Variants in EYS observed in about 807,000 individuals in gnomAD.
The protein encoded by EYS is EGF-like photoreceptor maintenance factor.
Under a neutral mutation model 282.1 loss-of-function variants are expected in EYS, and 250 were observed. The observed-to-expected ratio is 0.89, with a 90% CI of 0.80 to 0.98. The LOEUF is 0.98. Among genes scored for constraint, EYS ranks in the 50% least tolerant of loss-of-function variants. EYS has a pLI of 0.00. For synonymous variants in EYS, 1,355 were observed against 1,282.9 expected (o/e 1.06, Z -1.20); for missense variants, 4,016 against 3,709.0 (o/e 1.08, Z -2.15).
At chr6:63,867,519 T>A (rs1297306733) in intron 35 of EYS, among the ~76,000 whole-genome samples, 1 of 152,150 alleles carries the variant, frequency 6.6e-6, no homozygotes, top group Non-Finnish European at 1.5e-5. Context: ...CATCCAAAGT[T>A]TGTTGTGCAC....
chr6:64,771,107 T>C (rs1204554360), intron 22 of EYS, among the ~76,000 whole-genome samples: 1 of 151,742 alleles, frequency 6.6e-6, no homozygotes, highest in Non-Finnish European at 1.5e-5. Context: ...AATCTCATTC[T>C]CTTTAACAAC....
At chr6:65,573,773 T>C (rs897452118) in intron 2 of EYS, among the ~76,000 whole-genome samples, 1 of 150,634 alleles carries the variant, frequency 6.6e-6, no homozygotes, top group Non-Finnish European at 1.5e-5. Context: ...CTGTGATGAA[T>C]ACCTGTTTCT....
At chr6:64,833,920 A>G (rs893169154) in intron 19 of EYS, among the ~76,000 whole-genome samples, 5 of 151,916 alleles carry the variant, frequency 3.3e-5, no homozygotes, top group African/African-American at 1.2e-4. Flanking sequence ...ATTTCTGACA[A>G]CTCTACCAAG....
intron 19 of EYS, among the ~76,000 whole-genome samples, chr6:64,844,422 A>C (rs2150037039): frequency 6.6e-6 from 1 of 151,460 alleles, no homozygotes; most frequent in African/African-American, 2.4e-5. Context: ...ATTCTTTCTC[A>C]AAATATTTTC....
At chr6:65,028,904 C>G (rs951803058) in intron 13 of EYS, among the ~76,000 whole-genome samples, 3 of 152,060 alleles carry the variant, frequency 2.0e-5, no homozygotes, top group South Asian at 2.1e-4. Context: ...TAAGGAAGAG[C>G]TTTGCCTTTA....
At chr6:64,382,778 C>A (rs1458481768) in intron 29 of EYS, among the ~76,000 whole-genome samples, 1 of 152,148 alleles carries the variant, frequency 6.6e-6, no homozygotes, top group Admixed American at 6.5e-5. Context: ...CAGGGACAGG[C>A]CCTTCCGGAC....
chr6:65,354,072 T>C (rs1278974294), intron 8 of EYS, among the ~76,000 whole-genome samples: 2 of 152,128 alleles, frequency 1.3e-5, no homozygotes, highest in Non-Finnish European at 2.9e-5. Context: ...AATAATATGA[T>C]TTGTTTATGG....
intron 30 of EYS, among the ~76,000 whole-genome samples, chr6:64,305,355 T>A (rs1769400671): frequency 6.9e-5 from 1 of 14,488 alleles, no homozygotes; most frequent in Non-Finnish European, 1.8e-4. Context: ...TCCCAGTGAT[T>A]TTTTTTTTTC....
At chr6:64,863,237 T>C (rs138337775) in intron 19 of EYS, among the ~76,000 whole-genome samples, 1 of 152,310 alleles carries the variant, frequency 6.6e-6, no homozygotes, top group African/African-American at 2.4e-5. Context: ...CATTTTAGTT[T>C]TAGAAAGCAT....
intron 22 of EYS, among the ~76,000 whole-genome samples, chr6:64,800,795 T>C (rs1053630182): frequency 6.6e-6 from 1 of 152,032 alleles, no homozygotes; most frequent in Admixed American, 6.6e-5. Context: ...AATGTGAATA[T>C]GACTTATGAA....
intron 26 of EYS, among the ~76,000 whole-genome samples, chr6:64,457,401 G>A (rs764912027): frequency 6.6e-6 from 1 of 151,868 alleles, no homozygotes; most frequent in African/African-American, 2.4e-5. Flanking sequence ...TACATTTTAA[G>A]TTTCATGATC....
intron 14 of EYS, among the ~76,000 whole-genome samples, chr6:64,979,345 C>A (rs923052748): frequency 6.6e-6 from 1 of 151,570 alleles, no homozygotes; most frequent in East Asian, 1.9e-4. Context: ...AGTGTACTAG[C>A]TAATTAATTA....
intron 12 of EYS, among the ~76,000 whole-genome samples, chr6:65,081,440 T>C (rs1166722195): frequency 1.3e-5 from 2 of 152,098 alleles, no homozygotes; most frequent in Non-Finnish European, 2.9e-5. Context: ...TTTGATATTT[T>C]ATTGTAAATT....
intron 2 of EYS, among the ~76,000 whole-genome samples, chr6:65,614,044 T>G (rs143314763): frequency 1.1e-4 from 16 of 152,142 alleles, no homozygotes; most frequent in African/African-American, 3.8e-4. Flanking sequence ...AATTTAATTA[T>G]TCACAAAGTG....
At chr6:64,437,187 G>A (rs553394305) in intron 27 of EYS, among the ~76,000 whole-genome samples, 2 of 151,734 alleles carry the variant, frequency 1.3e-5, no homozygotes, top group South Asian at 2.1e-4. Flanking sequence ...AGAAGCATTA[G>A]GAGGAATTAT....
chr6:64,655,372 T>C (rs535002209), intron 22 of EYS, among the ~76,000 whole-genome samples: 2 of 152,232 alleles, frequency 1.3e-5, no homozygotes, highest in East Asian at 1.9e-4. Context: ...AGTCTAATAA[T>C]GTTATCAGGA....
chr6:65,614,899 C>A (rs7758595), intron 2 of EYS, among the ~76,000 whole-genome samples: 2 of 151,808 alleles, frequency 1.3e-5, no homozygotes, highest in Non-Finnish European at 2.9e-5. Context: ...GACATAAACA[C>A]ATACATGCAT....
intron 2 of EYS, among the ~76,000 whole-genome samples, chr6:65,543,977 C>T (rs1423181124): frequency 6.9e-6 from 1 of 145,068 alleles, no homozygotes; most frequent in Non-Finnish European, 1.5e-5. Flanking sequence ...ATCAAACTTT[C>T]CCACTTATTA....
chr6:65,547,782 T>TGAC (rs1554209421), intron 2 of EYS, among the ~76,000 whole-genome samples: 21 of 152,336 alleles, frequency 1.4e-4, no homozygotes, highest in Middle Eastern at 3.4e-3. Context: ...TTGGTTATAG[T>TGAC]GACAATGTTG....
Sources: gnomAD v4.1 joint callset for allele counts (sites outside exome capture counted in the v4.1 genomes callset) on GRCh38, gnomAD v4.1.1 for gene constraint, MANE v1.5 for transcripts, NCBI Gene and HGNC (gene_info 2026-07-23, HGNC 2026-07-21) for gene names.